SLC41A2: variants seen among roughly 807,000 people sequenced by gnomAD.
The protein encoded by SLC41A2 is solute carrier family 41 member 2, also known as SLC41A1-like 1.
SLC41A2 carries 32 observed loss-of-function variants against 58.3 expected under a neutral mutation model. That is an observed-to-expected ratio of 0.55 (90% CI 0.41 to 0.74). SLC41A2 has a LOEUF of 0.74. Ranked by LOEUF, SLC41A2 falls within the 30% of genes least tolerant of loss-of-function variation. The probability of loss-of-function intolerance (pLI) is 0.00; values close to 1 mark genes in which losing one functional copy is unlikely to be tolerated. For synonymous variants in SLC41A2, 190 were observed against 235.0 expected, an observed-to-expected ratio of 0.81 and a Z score of 1.75; for missense variants, 514 against 680.6, an observed-to-expected ratio of 0.76 and a Z score of 2.72.
intron 10 of SLC41A2, among the ~76,000 whole-genome samples, chr12:104,812,790 A>C (rs2041231489): frequency 6.6e-6 from 1 of 152,150 alleles, no homozygotes; most frequent in Non-Finnish European, 1.5e-5. Context: ...CAAGTGGGCA[A>C]ATTATCTGAT....
chr12:104,870,255 G>A (rs765317235), intron 6 of SLC41A2, among the ~76,000 whole-genome samples: 14 of 152,288 alleles, frequency 9.2e-5, no homozygotes, highest in South Asian at 2.1e-4. Context: ...GCTACCAGCC[G>A]AGAACACCGG....
intron 1 of SLC41A2, among the ~76,000 whole-genome samples, chr12:104,951,312 G>A (rs2047944167): frequency 6.6e-6 from 1 of 152,066 alleles, no homozygotes; most frequent in African/African-American, 2.4e-5. Flanking sequence ...AGACTCTGTG[G>A]AATATAAAAA....
intron 1 of SLC41A2, among the ~76,000 whole-genome samples, chr12:104,949,932 G>A (rs535665189): frequency 3.4e-4 from 52 of 152,190 alleles, no homozygotes; most frequent in South Asian, 1.2e-3. Flanking sequence ...ATTGAGGGGA[G>A]GTGGGGAGGG....
chr12:104,871,238 T>G (rs1218573843), intron 6 of SLC41A2, among the ~76,000 whole-genome samples: 3 of 152,316 alleles, frequency 2.0e-5, no homozygotes, highest in East Asian at 3.9e-4. Context: ...ATAAATATCA[T>G]GTACACACAA....
chr12:104,868,742 A>G (rs1467167527), intron 6 of SLC41A2, among the ~76,000 whole-genome samples: 2 of 152,246 alleles, frequency 1.3e-5, no homozygotes, highest in Admixed American at 1.3e-4. Flanking sequence ...AAAACTTAGT[A>G]TATCCATAAA....
At chr12:104,876,864 T>C (rs10861286) in intron 6 of SLC41A2, among the ~76,000 whole-genome samples, 81,213 of 151,996 alleles carry the variant, frequency 0.53, 22,292 homozygotes, top group Middle Eastern at 0.64. Flanking sequence ...CTCTCCAGTG[T>C]TGAAAGTGGG....
At chr12:104,940,187 T>C (rs2047448373) in intron 1 of SLC41A2, among the ~76,000 whole-genome samples, 1 of 152,010 alleles carries the variant, frequency 6.6e-6, no homozygotes, top group Non-Finnish European at 1.5e-5. Flanking sequence ...TAATTTTGTA[T>C]TTTTAGTAGA....
chr12:104,897,207 A>T lies in SLC41A2; in HGVS notation c.664-1862T>A, dbSNP rs1018569874. ...GTCACCCAGGCTGGAGTACAGTGGC[A>T]TGATCTTGGCTCACTGCAACCTCCA... On this transcript the variant is annotated intron_variant, in intron 3 of 10. Transcript: ENST00000258538. Among the ~76,000 whole-genome samples the T allele has an allele frequency of 4.3e-5, 6 of 139,654 alleles. No homozygotes were observed. In the East Asian group the frequency reaches 1.2e-3, roughly 29 times the overall value. 91.6% of individuals were successfully genotyped at this position (139,654 alleles called of 152,430 possible).
intron 3 of SLC41A2, among the ~76,000 whole-genome samples, chr12:104,896,029 G>A (rs1452321567): frequency 6.6e-6 from 1 of 152,140 alleles, no homozygotes; most frequent in Non-Finnish European, 1.5e-5. Flanking sequence ...TTCTAAAGTA[G>A]TTGTTTGGAA....
intron 8 of SLC41A2, among the ~76,000 whole-genome samples, chr12:104,860,100 T>A (rs1479669134): frequency 6.6e-6 from 1 of 152,102 alleles, no homozygotes; most frequent in Non-Finnish European, 1.5e-5. Context: ...ATGTAGTATA[T>A]CCTGGGACAT....
intron 1 of SLC41A2, among the ~76,000 whole-genome samples, chr12:104,942,702 C>T (rs1262660654): frequency 7.2e-5 from 11 of 152,128 alleles, no homozygotes; most frequent in African/African-American, 1.9e-4. Flanking sequence ...CTTACAGCTA[C>T]GTCTGAAACT....
At chr12:104,855,562 C>T (rs907075419) in intron 8 of SLC41A2, among the ~76,000 whole-genome samples, 6 of 152,078 alleles carry the variant, frequency 3.9e-5, no homozygotes, top group African/African-American at 1.5e-4. Flanking sequence ...GTAATTAATC[C>T]ATTTTTATTG....
intron 6 of SLC41A2, among the ~76,000 whole-genome samples, chr12:104,874,513 T>TA (rs2043954653): frequency 6.6e-6 from 1 of 152,240 alleles, no homozygotes; most frequent in African/African-American, 2.4e-5. Context: ...TTTTTAGTTG[T>TA]GTAAGATAAC....
chr12:104,900,749 A>C (rs1229324008), intron 3 of SLC41A2, among the ~76,000 whole-genome samples: 1 of 152,244 alleles, frequency 6.6e-6, no homozygotes, highest in Non-Finnish European at 1.5e-5. Flanking sequence ...ATTATGCCAA[A>C]TTTAGGAAAT....
intron 6 of SLC41A2, among the ~76,000 whole-genome samples, chr12:104,885,842 G>A (rs2044631193): frequency 6.6e-6 from 1 of 151,850 alleles, no homozygotes; most frequent in African/African-American, 2.4e-5. Flanking sequence ...GTTTCTGATG[G>A]GGAAAAACAT....
At chr12:104,891,023 T>G (rs1385575519) in intron 4 of SLC41A2, among the ~76,000 whole-genome samples, 1 of 152,182 alleles carries the variant, frequency 6.6e-6, no homozygotes, top group Non-Finnish European at 1.5e-5. Context: ...TCATCTACTC[T>G]TTCACAAGTG....
intron 1 of SLC41A2, among the ~76,000 whole-genome samples, chr12:104,945,614 C>T (rs1421163862): frequency 1.3e-5 from 2 of 152,010 alleles, no homozygotes; most frequent in African/African-American, 4.8e-5. Flanking sequence ...TATATTTTTT[C>T]CAAATATATG....
chr12:104,821,523 G>A (rs1202846788), intron 10 of SLC41A2, among the ~76,000 whole-genome samples: 1 of 152,168 alleles, frequency 6.6e-6, no homozygotes, highest in Non-Finnish European at 1.5e-5. Context: ...TAGCTGAATG[G>A]TAGTCCCGCT....
At chr12:104,918,299 A>G (rs1293564251) in intron 2 of SLC41A2, among the ~76,000 whole-genome samples, 5 of 152,050 alleles carry the variant, frequency 3.3e-5, no homozygotes, top group African/African-American at 9.7e-5. Context: ...AATCTGACCT[A>G]TAAACAAACT....
Sources: gnomAD v4.1 joint callset for allele counts (sites outside exome capture counted in the v4.1 genomes callset) on GRCh38, gnomAD v4.1.1 for gene constraint, MANE v1.5 for transcripts, NCBI Gene and HGNC (gene_info 2026-07-23, HGNC 2026-07-21) for gene names.